Variants in GALNT17 observed in about 807,000 individuals in gnomAD.
GALNT17 encodes polypeptide N-acetylgalactosaminyltransferase 17.
GALNT17 carries 29 observed loss-of-function variants against 63.7 expected under a neutral mutation model. That is an observed-to-expected ratio of 0.46 (90% CI 0.34 to 0.62). GALNT17 has a LOEUF of 0.62. GALNT17 is among the 20% of genes least tolerant of loss of function. GALNT17 has a pLI of 0.01. For missense variants in GALNT17, 603 were observed against 799.6 expected (o/e 0.75, Z 2.97); for synonymous variants, 305 against 318.3 (o/e 0.96, Z 0.45).
At chr7:71,436,075 A>T (rs1052760447) in intron 5 of GALNT17, among the ~76,000 whole-genome samples, 1 of 151,230 alleles carries the variant, frequency 6.6e-6, no homozygotes, top group Non-Finnish European at 1.5e-5. Context: ...AGGGAGACTG[A>T]TTTGAGTAAT....
intron 5 of GALNT17, among the ~76,000 whole-genome samples, chr7:71,554,954 G>C (rs910523492): frequency 1.8e-4 from 28 of 152,200 alleles, no homozygotes; most frequent in Admixed American, 1.7e-3. Flanking sequence ...GGTTCTGCAG[G>C]TTGTACAAGA....
At chr7:71,656,099 T>A (rs7776521) in intron 6 of GALNT17, among the ~76,000 whole-genome samples, 105,239 of 151,988 alleles carry the variant, frequency 0.69, 36,969 homozygotes, top group South Asian at 0.83. Context: ...CTCAGAACTC[T>A]TTGGGTACTT....
chr7:71,571,935 C>T (rs963700666), intron 6 of GALNT17, among the ~76,000 whole-genome samples: 1 of 151,994 alleles, frequency 6.6e-6, no homozygotes, highest in Non-Finnish European at 1.5e-5. Context: ...TGGCTTGAGC[C>T]CAGGAGTTCG....
chr7:71,137,098 C>T (rs1405692382), intron 1 of GALNT17, among the ~76,000 whole-genome samples: 6 of 148,150 alleles, frequency 4.0e-5, no homozygotes, highest in East Asian at 2.0e-4. Flanking sequence ...TGAGCCACAG[C>T]GCCTTGATAG....
intron 1 of GALNT17, among the ~76,000 whole-genome samples, chr7:71,279,299 G>GA (rs1166963988): frequency 6.6e-6 from 1 of 151,936 alleles, no homozygotes; most frequent in Non-Finnish European, 1.5e-5. Context: ...GCAAAAGGGG[G>GA]AAAACCTCTT....
At chr7:71,577,111 A>T (rs1789551692) in intron 6 of GALNT17, among the ~76,000 whole-genome samples, 1 of 152,212 alleles carries the variant, frequency 6.6e-6, no homozygotes, top group Middle Eastern at 3.2e-3. Context: ...TAACACAAGA[A>T]CAGAAAACCG....
chr7:71,185,746 A>G (rs1460798462), intron 1 of GALNT17, among the ~76,000 whole-genome samples: 1 of 151,976 alleles, frequency 6.6e-6, no homozygotes, highest in Non-Finnish European at 1.5e-5. Context: ...TGACCTCGTG[A>G]TCCGCCCACC....
At chr7:71,630,504 G>T (rs1295426821) in intron 6 of GALNT17, among the ~76,000 whole-genome samples, 1 of 152,090 alleles carries the variant, frequency 6.6e-6, no homozygotes, top group Non-Finnish European at 1.5e-5. Context: ...AGTTTCACCG[G>T]GTAGCTATGG....
chr7:71,675,334 A>G (rs1025027457), intron 8 of GALNT17, among the ~76,000 whole-genome samples: 1 of 152,218 alleles, frequency 6.6e-6, no homozygotes, highest in African/African-American at 2.4e-5. Context: ...CAGGCCTTCA[A>G]TAAATATTTA....
chr7:71,679,756 G>A (rs1448405419), intron 9 of GALNT17, among the ~76,000 whole-genome samples: 3 of 151,990 alleles, frequency 2.0e-5, no homozygotes, highest in Non-Finnish European at 4.4e-5. Context: ...ACGCTGCAGT[G>A]GGCAGCAGAA....
At chr7:71,532,654 A>G (rs576135813) in intron 5 of GALNT17, among the ~76,000 whole-genome samples, 160 of 152,208 alleles carry the variant, frequency 1.1e-3, no homozygotes, top group African/African-American at 3.7e-3. Flanking sequence ...CTCATTTGCT[A>G]TGAGGCGCTC....
chr7:71,466,590 C>CT (rs1287662213), intron 5 of GALNT17, among the ~76,000 whole-genome samples: 7 of 152,246 alleles, frequency 4.6e-5, no homozygotes, highest in Non-Finnish European at 1.0e-4. Flanking sequence ...CCTGGAGAGT[C>CT]TGACACTTTT....
intron 6 of GALNT17, among the ~76,000 whole-genome samples, chr7:71,590,493 C>T (rs1283773853): frequency 1.3e-5 from 2 of 152,134 alleles, no homozygotes; most frequent in African/African-American, 2.4e-5. Flanking sequence ...AAATGTGAAC[C>T]TGAATTTACA....
At chr7:71,262,815 G>A (rs1790410309) in intron 1 of GALNT17, among the ~76,000 whole-genome samples, 1 of 151,290 alleles carries the variant, frequency 6.6e-6, no homozygotes, top group African/African-American at 2.4e-5. Context: ...CAAGTAGCTG[G>A]GACCACAGGC....
chr7:71,455,792 T>C lies in GALNT17; in HGVS notation c.962+34687T>C, dbSNP rs75901655. 1.4e-3 allele frequency among the ~76,000 whole-genome samples: 207 copies of C among 152,268 alleles called. 9 individuals are homozygous for C. The East Asian group carries it at 0.03, about 22-fold the overall frequency. On this transcript the variant is annotated intron_variant, in intron 5 of 10. Transcript: ENST00000333538. ...ACTTCTTTGTGAGAGATTTTCCTGT[T>C]TGAGTAAGAGAACAAGTTAGGCTTT...
chr7:71,366,114 A>G (rs1278719751), intron 2 of GALNT17, among the ~76,000 whole-genome samples: 1 of 152,106 alleles, frequency 6.6e-6, no homozygotes, highest in Non-Finnish European at 1.5e-5. Flanking sequence ...AGCTGACAGG[A>G]GGCAGATCTC....
At chr7:71,188,623 G>A (rs1788895803) in intron 1 of GALNT17, among the ~76,000 whole-genome samples, 1 of 152,094 alleles carries the variant, frequency 6.6e-6, no homozygotes, top group Non-Finnish European at 1.5e-5. Flanking sequence ...TGTAGATTCT[G>A]GATATTAATC....
chr7:71,416,611 CA>C (rs904629740), intron 4 of GALNT17, among the ~76,000 whole-genome samples: 8 of 140,096 alleles, frequency 5.7e-5, no homozygotes, highest in African/African-American at 1.3e-4. Context: ...GACTCCATCT[CA>C]AAAAAAAAAG....
chr7:71,465,040 T>C (rs926077889), intron 5 of GALNT17, among the ~76,000 whole-genome samples: 4 of 152,170 alleles, frequency 2.6e-5, no homozygotes, highest in Non-Finnish European at 5.9e-5. Context: ...CTTAAGTTAA[T>C]AGGGCTCCTT....
Sources: allele counts gnomAD v4.1 joint callset (sites outside exome capture counted in the v4.1 genomes callset), GRCh38; gene constraint gnomAD v4.1.1; transcripts MANE v1.5; gene names NCBI Gene and HGNC (gene_info 2026-07-23, HGNC 2026-07-21).